The following SKAP1 variants were observed in gnomAD, a reference collection of about 807,000 sequenced individuals.
The protein encoded by SKAP1 is src kinase associated phosphoprotein 1, also known as src kinase-associated phosphoprotein 1.
SKAP1 carries 44 observed loss-of-function variants against 58.5 expected under a neutral mutation model. The observed-to-expected ratio is 0.75, with a 90% CI of 0.59 to 0.97. The LOEUF (loss-of-function observed/expected upper bound fraction) is 0.97, where lower values mean the gene tolerates loss of function less well. SKAP1 is among the 50% of genes least tolerant of loss of function. SKAP1 has a pLI of 0.00. For missense variants in SKAP1, 390 were observed against 435.2 expected (o/e 0.90, Z 0.92); for synonymous variants, 127 against 149.7 (o/e 0.85, Z 1.11).
intron 4 of SKAP1, among the ~76,000 whole-genome samples, chr17:48,262,820 C>T (rs1192387029): frequency 6.6e-6 from 1 of 152,022 alleles, no homozygotes. Flanking sequence ...TATTTCATTG[C>T]ACACACACAC....
intron 1 of SKAP1, among the ~76,000 whole-genome samples, chr17:48,426,849 GTT>G (rs5820701): frequency 1.4e-5 from 2 of 146,470 alleles, no homozygotes; most frequent in South Asian, 4.3e-4. Context: ...AAGATAGCGT[GTT>G]TTTTTTTTTT....
In SKAP1 at chr17:48,187,862, G is replaced by C. The variant is rs766023837; in HGVS notation, c.423C>G (p.Tyr141Ter). 6.2e-7 allele frequency: 1 copy of C among 1,611,702 alleles called. No homozygotes were observed. Residue 141 changes from tyrosine to a stop codon, truncating the protein, a stop_gained, in exon 6 of 13, where the codon TAC (tyrosine) becomes TAG (stop). Coordinates refer to ENST00000336915, the MANE Select transcript of SKAP1 (RefSeq NM_003726.4). LOFTEE classifies it high-confidence loss of function. ...RWCVVSRGLF[Y>*]YYANEKSKQP... ...ACTTACTCTTCTCATTAGCATAGTA[G>C]TAGAAGAGACCTCTGCTGACAACAC...
chr17:48,342,305 A>G (rs1308144661), intron 4 of SKAP1, among the ~76,000 whole-genome samples: 1 of 152,178 alleles, frequency 6.6e-6, no homozygotes, highest in African/African-American at 2.4e-5. Flanking sequence ...GGGCATTTAC[A>G]AAGGAAAAGG....
rs370303135 is a variant in SKAP1 at position 48,216,963 on chromosome 17, G to A, written c.281-27463C>T. 3.3e-5 allele frequency among the ~76,000 whole-genome samples: 5 copies of A among 152,156 alleles called. No homozygotes were observed. The South Asian group carries it at 6.2e-4, about 19-fold the overall frequency. ...AAGAAGCAAAAATTCCATTTTCAGCGTTTCATGTGTTGAGAGTGAAAAGGG... is the reference window on the plus strand; with the variant it reads ...AAGAAGCAAAAATTCCATTTTCAGCATTTCATGTGTTGAGAGTGAAAAGGG... On this transcript the variant is annotated intron_variant, in intron 4 of 12. Coordinates refer to ENST00000336915, the MANE Select transcript of SKAP1 (RefSeq NM_003726.4).
chr17:48,421,634 G>A (rs1244534517), intron 1 of SKAP1, among the ~76,000 whole-genome samples: 1 of 152,054 alleles, frequency 6.6e-6, no homozygotes, highest in Non-Finnish European at 1.5e-5. Context: ...AACAAGGCAA[G>A]GAACACTTAT....
At chr17:48,236,268 G>A (rs2065179266) in intron 4 of SKAP1, among the ~76,000 whole-genome samples, 1 of 152,200 alleles carries the variant, frequency 6.6e-6, no homozygotes, top group Admixed American at 6.5e-5. Flanking sequence ...AAGGAACTCA[G>A]TCTAGAGGAG....
At chr17:48,213,003 A>T (rs2064892468) in intron 4 of SKAP1, among the ~76,000 whole-genome samples, 1 of 152,118 alleles carries the variant, frequency 6.6e-6, no homozygotes, top group South Asian at 2.1e-4. Flanking sequence ...ATGCTTCTTA[A>T]AATGGGGGGC....
chr17:48,261,815 T>C (rs2065488465), intron 4 of SKAP1, among the ~76,000 whole-genome samples: 2 of 145,256 alleles, frequency 1.4e-5, no homozygotes, highest in Admixed American at 6.9e-5. Context: ...TTTTGTTTTA[T>C]GGTGGGGGAA....
At chr17:48,160,220 C>T in intron 11 of SKAP1, among the ~76,000 whole-genome samples, 1 of 152,152 alleles carries the variant, frequency 6.6e-6, no homozygotes. Flanking sequence ...GCCTTGAACT[C>T]CTGGGCTCAA....
chr17:48,174,342 T>TATGC (rs2064259459), intron 9 of SKAP1, among the ~76,000 whole-genome samples: 1 of 151,848 alleles, frequency 6.6e-6, no homozygotes, highest in Non-Finnish European at 1.5e-5. Flanking sequence ...GCCTCTGGGG[T>TATGC]CTTTGGAAGA....
chr17:48,237,079 T>G (rs1317494379), intron 4 of SKAP1, among the ~76,000 whole-genome samples: 1 of 152,232 alleles, frequency 6.6e-6, no homozygotes, highest in Non-Finnish European at 1.5e-5. Flanking sequence ...GGATTTGAAA[T>G]CCAGTTCTTT....
At chr17:48,152,635 A>G (rs1224984610) in intron 11 of SKAP1, among the ~76,000 whole-genome samples, 1 of 152,200 alleles carries the variant, frequency 6.6e-6, no homozygotes, top group Non-Finnish European at 1.5e-5. Flanking sequence ...CCAATACTAC[A>G]TGGGCATATC....
the SKAP1 span, among the ~76,000 whole-genome samples, chr17:48,442,392 A>G: frequency 6.6e-6 from 1 of 152,222 alleles, no homozygotes; most frequent in East Asian, 1.9e-4. Flanking sequence ...GTATGCCTGA[A>G]TCATTATAGA....
chr17:48,137,845 C>T (rs1238281650), intron 11 of SKAP1, among the ~76,000 whole-genome samples: 3 of 152,154 alleles, frequency 2.0e-5, no homozygotes, highest in Non-Finnish European at 2.9e-5. Context: ...GAGATCTAAT[C>T]CTCGCTTGGT....
At chr17:48,157,434 C>A (rs1567797369) in intron 11 of SKAP1, among the ~76,000 whole-genome samples, 1 of 151,960 alleles carries the variant, frequency 6.6e-6, no homozygotes, top group Non-Finnish European at 1.5e-5. Flanking sequence ...GGGGTTTCAC[C>A]ATGTTGGCCA....
chr17:48,342,401 A>G (rs1429530845), intron 4 of SKAP1, among the ~76,000 whole-genome samples: 2 of 152,032 alleles, frequency 1.3e-5, no homozygotes, highest in African/African-American at 4.8e-5. Context: ...TTTGCTGTGT[A>G]CCTGGCCAGG....
intron 1 of SKAP1, among the ~76,000 whole-genome samples, chr17:48,421,696 G>A (rs1478894008): frequency 6.6e-6 from 1 of 152,106 alleles, no homozygotes; most frequent in East Asian, 1.9e-4. Flanking sequence ...AGCTTCAAGT[G>A]CCATCTCAGA....
chr17:48,295,034 T>G (rs2065948174), intron 4 of SKAP1, among the ~76,000 whole-genome samples: 1 of 152,192 alleles, frequency 6.6e-6, no homozygotes, highest in Non-Finnish European at 1.5e-5. Context: ...TTTTCCCAAC[T>G]TAAATGGCTA....
the SKAP1 span, among the ~76,000 whole-genome samples, chr17:48,444,390 A>C: frequency 6.6e-6 from 1 of 152,222 alleles, no homozygotes; most frequent in African/African-American, 2.4e-5. Context: ...ACTCCGTCTC[A>C]AAAAAACCCA....
Sources: gnomAD v4.1 joint callset for allele counts (sites outside exome capture counted in the v4.1 genomes callset) on GRCh38, gnomAD v4.1.1 for gene constraint, MANE v1.5 for transcripts, NCBI Gene and HGNC (gene_info 2026-07-23, HGNC 2026-07-21) for gene names.